The following EYA1 variants were observed in gnomAD, a reference collection of about 807,000 sequenced individuals.
EYA1 encodes the protein EYA transcriptional coactivator and phosphatase 1, also known as protein phosphatase EYA1.
A neutral mutation model predicts 82.0 loss-of-function variants in EYA1; 16 were observed. The observed-to-expected ratio is 0.20, with a 90% CI of 0.13 to 0.30. The LOEUF (loss-of-function observed/expected upper bound fraction) is 0.30, where lower values mean the gene tolerates loss of function less well. EYA1 is among the 10% of genes least tolerant of loss of function. The probability of loss-of-function intolerance (pLI) is 1.00; values close to 1 mark genes in which losing one functional copy is unlikely to be tolerated. For missense variants in EYA1, 633 were observed against 730.7 expected (o/e 0.87, Z 1.54); for synonymous variants, 261 against 264.4 (o/e 0.99, Z 0.12).
rs562792356 is a variant in EYA1 at position 71,454,237 on chromosome 8, T to C, written c.33+81507A>G. Among the ~76,000 whole-genome samples, 190 of 152,276 alleles carry C rather than the reference T, an allele frequency of 1.2e-3. 1 individual carries two copies. Among genetic ancestry groups the C allele is most frequent in the Non-Finnish European group, 2.3e-3 (154 of 68,026 alleles). ...AAAAGCTAACTATGCTAAATATATA[T>C]GCACTCAATACAGGAGCACCCAGAT... On this transcript the variant is annotated intron_variant, in intron 2 of 18. Coordinates refer to the EYA1 transcript ENST00000643681.
intron 7 of EYA1, among the ~76,000 whole-genome samples, chr8:71,301,087 G>C (rs1348424017): frequency 1.3e-5 from 2 of 152,192 alleles, no homozygotes; most frequent in African/African-American, 4.8e-5. Flanking sequence ...GGCCATAAAT[G>C]TGTTGGCAGT....
intron 2 of EYA1, among the ~76,000 whole-genome samples, chr8:71,489,634 T>C (rs1810840950): frequency 6.6e-6 from 1 of 152,212 alleles, no homozygotes. Context: ...ATTTGACTGC[T>C]TCTGTGCAAT....
chr8:71,277,003 C>A (rs922416954), intron 9 of EYA1, among the ~76,000 whole-genome samples: 21 of 151,672 alleles, frequency 1.4e-4, no homozygotes, highest in African/African-American at 5.1e-4. Context: ...GTCACCGAGT[C>A]ATCCTTCAAC....
chr8:71,285,543 G>A (rs1205511621), intron 9 of EYA1, among the ~76,000 whole-genome samples: 1 of 152,184 alleles, frequency 6.6e-6, no homozygotes, highest in Non-Finnish European at 1.5e-5. Flanking sequence ...TAGCTGAACT[G>A]AAACGAATAA....
chr8:71,526,545 C>T (rs2129277315), intron 2 of EYA1, among the ~76,000 whole-genome samples: 1 of 152,292 alleles, frequency 6.6e-6, no homozygotes, highest in Non-Finnish European at 1.5e-5. Flanking sequence ...CTGCAGTCAT[C>T]TGAAGGCTTA....
At chr8:71,211,292 T>C (rs192680944) in intron 16 of EYA1, 36 bp from the exon 17 acceptor site, 4 of 1,416,486 alleles carry the variant, frequency 2.8e-6, no homozygotes, top group Non-Finnish European at 4.0e-6. Context: ...AAATGTGAAG[T>C]TTGGGTAACC....
chr8:71,220,833 G>A (rs1280893295), intron 12 of EYA1, among the ~76,000 whole-genome samples: 3 of 152,186 alleles, frequency 2.0e-5, no homozygotes, highest in Non-Finnish European at 4.4e-5. Flanking sequence ...ACTGGTGTAA[G>A]GAGGTAGGAG....
At chr8:71,522,179 G>A (rs1472201537) in intron 2 of EYA1, among the ~76,000 whole-genome samples, 1 of 152,094 alleles carries the variant, frequency 6.6e-6, no homozygotes, top group Non-Finnish European at 1.5e-5. Flanking sequence ...AGGAACAGCC[G>A]AGAGCATTAT....
At chr8:71,435,770 T>C (rs1245279594) in intron 2 of EYA1, among the ~76,000 whole-genome samples, 1 of 152,032 alleles carries the variant, frequency 6.6e-6, no homozygotes, top group Non-Finnish European at 1.5e-5. Context: ...CCCAAGAAAA[T>C]GTCCTGATTC....
intron 2 of EYA1, among the ~76,000 whole-genome samples, chr8:71,504,160 A>G (rs1219380478): frequency 1.3e-5 from 2 of 152,162 alleles, no homozygotes; most frequent in African/African-American, 4.8e-5. Flanking sequence ...TCACATTTTT[A>G]TTTACTATAA....
At chr8:71,394,480 G>A (rs1021183912) in intron 2 of EYA1, among the ~76,000 whole-genome samples, 8 of 152,214 alleles carry the variant, frequency 5.3e-5, no homozygotes, top group Non-Finnish European at 8.8e-5. Flanking sequence ...AAGGTGTAAG[G>A]AAGGGATCCA....
At chr8:71,342,360 C>A (rs1825238060) in intron 3 of EYA1, among the ~76,000 whole-genome samples, 1 of 152,160 alleles carries the variant, frequency 6.6e-6, no homozygotes, top group African/African-American at 2.4e-5. Flanking sequence ...CCCAAACTAT[C>A]CTACCTTTGT....
intron 2 of EYA1, among the ~76,000 whole-genome samples, chr8:71,467,855 C>G (rs1423756460): frequency 6.6e-6 from 1 of 152,088 alleles, no homozygotes; most frequent in Non-Finnish European, 1.5e-5. Flanking sequence ...TAATACTTCA[C>G]CACATTCAGT....
At chr8:71,508,644 C>A (rs1024995389) in intron 2 of EYA1, among the ~76,000 whole-genome samples, 1 of 152,140 alleles carries the variant, frequency 6.6e-6, no homozygotes, top group East Asian at 1.9e-4. Flanking sequence ...GTTATTTCCA[C>A]CTTGTGAGTA....
At chr8:71,400,660 C>A (rs1318714081) in intron 2 of EYA1, among the ~76,000 whole-genome samples, 1 of 152,068 alleles carries the variant, frequency 6.6e-6, no homozygotes, top group Non-Finnish European at 1.5e-5. Context: ...GGCTGTGGAG[C>A]AATAGGAATG....
chr8:71,414,080 C>A (rs1333729104), intron 2 of EYA1, among the ~76,000 whole-genome samples: 1 of 152,202 alleles, frequency 6.6e-6, no homozygotes, highest in African/African-American at 2.4e-5. Flanking sequence ...GAAGCTTCAG[C>A]TGCCCCAGAG....
At chr8:71,242,691 G>A (rs1203379259) in intron 12 of EYA1, among the ~76,000 whole-genome samples, 1 of 151,182 alleles carries the variant, frequency 6.6e-6, no homozygotes, top group Non-Finnish European at 1.5e-5. Flanking sequence ...AAGTTTTTTG[G>A]TCTATATTAT....
chr8:71,345,883 G>C (rs997849898), intron 3 of EYA1, among the ~76,000 whole-genome samples: 2 of 152,092 alleles, frequency 1.3e-5, no homozygotes, highest in Non-Finnish European at 2.9e-5. Context: ...CACAGCTCCT[G>C]TACAGTTGAA....
At chr8:71,212,671 T>C (rs1808665753) in intron 16 of EYA1, among the ~76,000 whole-genome samples, 1 of 152,200 alleles carries the variant, frequency 6.6e-6, no homozygotes, top group Non-Finnish European at 1.5e-5. Context: ...AGTTAACTAT[T>C]AGTTTTATAT....
Sources: gnomAD v4.1 joint callset for allele counts (sites outside exome capture counted in the v4.1 genomes callset) on GRCh38, gnomAD v4.1.1 for gene constraint, MANE v1.5 for transcripts, NCBI Gene and HGNC (gene_info 2026-07-23, HGNC 2026-07-21) for gene names.